RGS6: variants seen among roughly 807,000 people sequenced by gnomAD.
RGS6 encodes regulator of G-protein signaling 6.
In RGS6, 30 loss-of-function variants were observed where a neutral mutation model predicts 78.5. That is an observed-to-expected ratio of 0.38 (90% confidence interval 0.29 to 0.52). The LOEUF (loss-of-function observed/expected upper bound fraction) is 0.52, where lower values mean the gene tolerates loss of function less well. Among genes scored for constraint, RGS6 ranks in the 20% least tolerant of loss-of-function variants. RGS6 has a pLI of 0.85. For synonymous variants in RGS6, 206 were observed against 206.0 expected, an observed-to-expected ratio of 1.00 and a Z score of 0.00; for missense variants, 495 against 609.7, an observed-to-expected ratio of 0.81 and a Z score of 1.98.
rs1597089090 is a variant in RGS6 at position 72,410,576 on chromosome 14, G to A, written c.185-43952G>A. Among the ~76,000 whole-genome samples, 3 of 152,286 alleles carry A rather than the reference G, an allele frequency of 2.0e-5. 1 individual carries two copies. The East Asian group carries it at 5.8e-4, about 29-fold the overall frequency. ...GTGCAGAAGCTCTTTAGTTTAATTA[G>A]ATCCCATTTGTCAATTTTGGCTTTT... On this transcript the variant is annotated intron_variant, in intron 3 of 17. Transcript: ENST00000553525.
rs530922107 is a variant in RGS6, at chr14:72,165,182, C to T, written c.85-186913C>T. 3.7e-4 allele frequency among the ~76,000 whole-genome samples: 56 copies of T among 152,326 alleles called. 1 individual carries two copies. The highest frequency in any genetic ancestry group is 1.3e-3 in the African/African-American group (54 of 41,578). On this transcript the variant is annotated intron_variant, in intron 2 of 17. Coordinates refer to ENST00000553525, the MANE Select transcript of RGS6 (RefSeq NM_001204424.2). ...TGCTCACCACGTCTAGAACATGAGTCAGGCACAGACACAGAAAAGTCAGCA... is the reference window on the plus strand; with the variant it reads ...TGCTCACCACGTCTAGAACATGAGTTAGGCACAGACACAGAAAAGTCAGCA...
the RGS6 span, among the ~76,000 whole-genome samples, chr14:71,904,851 A>ATATTTGGCTTTTG: frequency 1.6e-5 from 1 of 61,000 alleles, no homozygotes; most frequent in Non-Finnish European, 5.7e-5. Context: ...TTTGGCTTTT[A>ATATTTGGCTTTTG]CCCCTGGGCT....
At chr14:72,245,136 G>A (rs764503996) in intron 2 of RGS6, among the ~76,000 whole-genome samples, 8 of 152,202 alleles carry the variant, frequency 5.3e-5, no homozygotes, top group Non-Finnish European at 1.0e-4. Flanking sequence ...TAAGTTCATT[G>A]GCTGGGGCCC....
chr14:71,933,104 T>C (rs1396589088), intron 1 of RGS6, 163 bp downstream of exon 1: 1 of 152,856 alleles, frequency 6.5e-6, no homozygotes, highest in Admixed American at 6.5e-5. Context: ...TGTGTGTGTG[T>C]CTGCAGTTTG....
chr14:72,298,271 G>T (rs1452059170), intron 2 of RGS6, among the ~76,000 whole-genome samples: 1 of 151,590 alleles, frequency 6.6e-6, no homozygotes, highest in Non-Finnish European at 1.5e-5. Context: ...GAATTATATT[G>T]ACTAATTTTA....
chr14:72,367,167 C>T (rs979851359), intron 3 of RGS6, among the ~76,000 whole-genome samples: 2 of 152,134 alleles, frequency 1.3e-5, no homozygotes, highest in Non-Finnish European at 2.9e-5. Flanking sequence ...AAATTATAGA[C>T]TCTTGGATTG....
At chr14:72,221,130 G>A (rs771968003) in intron 2 of RGS6, among the ~76,000 whole-genome samples, 2 of 152,134 alleles carry the variant, frequency 1.3e-5, no homozygotes, top group Non-Finnish European at 2.9e-5. Context: ...GTGTGTCCCA[G>A]AGATTTAATC....
chr14:72,155,985 CTT>C (rs1439399149), intron 2 of RGS6, among the ~76,000 whole-genome samples: 4 of 152,194 alleles, frequency 2.6e-5, no homozygotes, highest in Admixed American at 2.0e-4. Context: ...CACCTGTAGA[CTT>C]TTAAAAAATA....
At chr14:72,528,566 C>A (rs1409337296) in intron 15 of RGS6, among the ~76,000 whole-genome samples, 1 of 152,092 alleles carries the variant, frequency 6.6e-6, no homozygotes, top group African/African-American at 2.4e-5. Flanking sequence ...GTGGGAGTGA[C>A]CTCTGGTAGT....
chr14:71,909,447 G>C, the RGS6 span, among the ~76,000 whole-genome samples: 1 of 152,060 alleles, frequency 6.6e-6, no homozygotes, highest in Non-Finnish European at 1.5e-5. Flanking sequence ...GTATGTGTGA[G>C]AGACAGACAG....
intron 17 of RGS6, among the ~76,000 whole-genome samples, chr14:72,556,624 G>GTAT (rs1555473596): frequency 8.6e-4 from 112 of 130,134 alleles, no homozygotes; most frequent in Admixed American, 2.4e-3. Context: ...CAGAGCCTGA[G>GTAT]TGTTTACACC....
chr14:72,096,232 C>T (rs946185806), intron 2 of RGS6, among the ~76,000 whole-genome samples: 1 of 151,640 alleles, frequency 6.6e-6, no homozygotes, highest in Non-Finnish European at 1.5e-5. Flanking sequence ...TGAGATTGCA[C>T]CACTGCACTC....
intron 2 of RGS6, among the ~76,000 whole-genome samples, chr14:72,070,073 AT>A (rs2094348350): frequency 6.6e-6 from 1 of 152,026 alleles, no homozygotes; most frequent in South Asian, 2.1e-4. Flanking sequence ...TTACTAAACT[AT>A]ACATTTTGTT....
chr14:72,355,423 G>A (rs2080064817), intron 3 of RGS6, among the ~76,000 whole-genome samples: 1 of 152,102 alleles, frequency 6.6e-6, no homozygotes, highest in Non-Finnish European at 1.5e-5. Flanking sequence ...TCGAACTCTT[G>A]ACCTTAGGTG....
At chr14:72,510,994 AG>A (rs1441738744) in intron 14 of RGS6, among the ~76,000 whole-genome samples, 1 of 152,180 alleles carries the variant, frequency 6.6e-6, no homozygotes. Flanking sequence ...GAGGAAGAAA[AG>A]GGGGTGAATT....
At position 72,547,603 on chromosome 14, in the gene RGS6, C is replaced by T. The variant is rs141563354; in HGVS notation, c.1422+7509C>T. Among the ~76,000 whole-genome samples the T allele has an allele frequency of 2.8e-3, 426 of 152,258 alleles. 4 individuals carry two copies. The highest frequency in any genetic ancestry group is 9.9e-3 in the African/African-American group (410 of 41,544). On this transcript the variant is annotated intron_variant, in intron 17 of 17. Coordinates refer to ENST00000553525, the MANE Select transcript of RGS6 (RefSeq NM_001204424.2). ...ACACTGCCGGGGGTGGGACTCAGAG[C>T]AGTGGGATTTTTAGTTTTGTCATGT...
At chr14:72,198,212 G>T (rs1289669285) in intron 2 of RGS6, among the ~76,000 whole-genome samples, 1 of 152,134 alleles carries the variant, frequency 6.6e-6, no homozygotes, top group Admixed American at 6.5e-5. Flanking sequence ...AATAAGCTGG[G>T]TGCGATGCTG....
intron 2 of RGS6, among the ~76,000 whole-genome samples, chr14:72,173,255 C>T (rs1173061349): frequency 6.6e-6 from 1 of 152,030 alleles, no homozygotes; most frequent in East Asian, 1.9e-4. Flanking sequence ...CTGCAGTGTA[C>T]AGGGCAGCTG....
the RGS6 span, among the ~76,000 whole-genome samples, chr14:72,597,459 T>G: frequency 1.3e-5 from 2 of 152,238 alleles, no homozygotes; most frequent in African/African-American, 4.8e-5. Context: ...GCTGTGGGCC[T>G]CAGGCAGCCA....
Sources: allele counts gnomAD v4.1 joint callset (sites outside exome capture counted in the v4.1 genomes callset), GRCh38; gene constraint gnomAD v4.1.1; transcripts MANE v1.5; gene names NCBI Gene and HGNC (gene_info 2026-07-23, HGNC 2026-07-21).